Variants in DNAJB6 observed in about 807,000 individuals in gnomAD.
DNAJB6 encodes dnaJ homolog subfamily B member 6.
Under a neutral mutation model 42.7 loss-of-function variants are expected in DNAJB6, and 16 were observed. The ratio of observed to expected loss-of-function variants is 0.37; its 90% CI spans 0.25 to 0.57. The LOEUF is 0.57. DNAJB6 is among the 20% of genes least tolerant of loss of function. The pLI is 0.74. For synonymous variants in DNAJB6, 170 were observed against 163.5 expected (o/e 1.04, Z -0.30); for missense variants, 347 against 416.8 (o/e 0.83, Z 1.46).
chr7:157,374,467 C>T (rs890180702), intron 5 of DNAJB6, among the ~76,000 whole-genome samples: 14 of 152,078 alleles, frequency 9.2e-5, no homozygotes, highest in Admixed American at 3.9e-4. Context: ...TCATGTTGGT[C>T]AGGTTGGTCT....
intron 1 of DNAJB6, among the ~76,000 whole-genome samples, chr7:157,358,137 C>T (rs577531301): frequency 9.9e-5 from 15 of 152,216 alleles, no homozygotes; most frequent in African/African-American, 3.6e-4. Flanking sequence ...CCTTGGAGCC[C>T]CGTGGTCTTG....
chr7:157,360,354 C>T (rs1431612929), intron 2 of DNAJB6, among the ~76,000 whole-genome samples: 1 of 152,162 alleles, frequency 6.6e-6, no homozygotes, highest in Non-Finnish European at 1.5e-5. Context: ...GTTACCTCCC[C>T]CTGGGTCCCT....
At chr7:157,375,042 A>AG (rs113455391) in intron 5 of DNAJB6, among the ~76,000 whole-genome samples, 160 of 152,302 alleles carry the variant, frequency 1.1e-3, no homozygotes, top group African/African-American at 3.6e-3. Flanking sequence ...TAGTGCTCCC[A>AG]GGGGGAGATG....
chr7:157,366,704 A>G (rs1193686712), intron 4 of DNAJB6, 143 bp downstream of exon 4: 2 of 708,718 alleles, frequency 2.8e-6, no homozygotes, highest in African/African-American at 3.6e-5. Flanking sequence ...TGGGGAGAGG[A>G]CAGAGAAATT....
intron 8 of DNAJB6, among the ~76,000 whole-genome samples, chr7:157,390,126 A>ATGGTGG (rs1210199141): frequency 6.6e-6 from 1 of 152,202 alleles, no homozygotes; most frequent in Non-Finnish European, 1.5e-5. Context: ...GGAAACCCAG[A>ATGGTGG]TGGTGGTTGC....
intron 1 of DNAJB6, among the ~76,000 whole-genome samples, chr7:157,339,392 G>A (rs1046440047): frequency 3.4e-5 from 5 of 148,048 alleles, no homozygotes; most frequent in Non-Finnish European, 7.4e-5. Flanking sequence ...CCACCTCCCG[G>A]GGTCACACCA....
chr7:157,416,158 C>T lies in DNAJB6; in HGVS notation c.*60C>T, dbSNP rs1011792317. ...CTGGCGCTCCACCGTGCTCGGCATGCGGTCGTGCACACGCGCTAGGTAGCA... is the reference window on the plus strand; with the variant it reads ...CTGGCGCTCCACCGTGCTCGGCATGTGGTCGTGCACACGCGCTAGGTAGCA... On this transcript the variant is annotated 3_prime_UTR_variant, in exon 10 of 10. Transcript: ENST00000262177. The T allele has an allele frequency of 8.9e-6, 14 of 1,579,772 alleles. No homozygotes were observed. In the Admixed American group the frequency reaches 1.3e-4, roughly 15 times the overall value.
At position 157,367,464 on chromosome 7, in the gene DNAJB6, A is replaced by G. The variant is rs974760808; in HGVS notation, c.327A>G (p.Pro109=). The G allele has an allele frequency of 3.7e-6, 6 of 1,608,116 alleles. No individual in the cohort carries two copies. In the African/African-American group the frequency reaches 5.4e-5, roughly 14 times the overall value. The part of the protein sequence containing the change: ...VFREFFGGRD[P]FSFDFFEDPF... ...GGGAATTTTTTGGTGGAAGGGACCC[A>G]TTTTCATTTGACTTCTTTGGTAAGT... The change falls in exon 5 of 10, where the codon CCA becomes CCG. Residue 109 remains proline, a synonymous_variant. Transcript: ENST00000262177.
At chr7:157,387,868 C>T (rs539076842) in intron 8 of DNAJB6, among the ~76,000 whole-genome samples, 2 of 152,004 alleles carry the variant, frequency 1.3e-5, no homozygotes, top group East Asian at 1.9e-4. Flanking sequence ...TTTTTTGAGA[C>T]GGAGTCTTGC....
Position 157,401,287 on chromosome 7 carries a change from T to C in DNAJB6, c.692-8508T>C, listed in dbSNP as rs868243083. On this transcript the variant is annotated intron_variant, in intron 8 of 9. Transcript: ENST00000262177. Reference sequence around the variant, plus strand: ...AGCCTGGAGTGCGATGGCGCCATCTTGGTTCACCGCTACCTCCACCTCCTG... The same window carrying C: ...AGCCTGGAGTGCGATGGCGCCATCTCGGTTCACCGCTACCTCCACCTCCTG... Among the ~76,000 whole-genome samples the C allele has an allele frequency of 2.0e-5, 3 of 152,174 alleles. No homozygotes were observed. The South Asian group carries it at 6.2e-4, about 32-fold the overall frequency.
intron 8 of DNAJB6, among the ~76,000 whole-genome samples, chr7:157,399,026 G>A (rs1209263368): frequency 6.6e-6 from 1 of 152,236 alleles, no homozygotes; most frequent in Non-Finnish European, 1.5e-5. Context: ...AGAAAGTGGT[G>A]TTGGCTCTCA....
chr7:157,382,406 T>C, intron 6 of DNAJB6, 29 bp downstream of exon 6: 2 of 1,591,910 alleles, frequency 1.3e-6, no homozygotes, highest in Admixed American at 1.8e-5. Flanking sequence ...TAATCTCTGT[T>C]ATCTTAACAG....
At chr7:157,386,567 G>A (rs1801069249) in intron 8 of DNAJB6, among the ~76,000 whole-genome samples, 1 of 145,738 alleles carries the variant, frequency 6.9e-6, no homozygotes, top group Admixed American at 6.7e-5. Context: ...CACTCTTAAA[G>A]TATGTTCTAG....
chr7:157,405,438 C>G (rs1439228938), intron 8 of DNAJB6, among the ~76,000 whole-genome samples: 1 of 152,146 alleles, frequency 6.6e-6, no homozygotes, highest in African/African-American at 2.4e-5. Context: ...ATGTTCTCAG[C>G]ATCAGCAGCC....
chr7:157,395,935 C>T lies in DNAJB6; in HGVS notation c.691+10324C>T, dbSNP rs183013694. On this transcript the variant is annotated intron_variant, in intron 8 of 9. Transcript: ENST00000262177. Reference sequence around the variant, plus strand: ...CCTCCCAAAGTGCTGGGATTACAGGCTTGAGCCTGTAATTTTTTTTTTTTT... The same window carrying T: ...CCTCCCAAAGTGCTGGGATTACAGGTTTGAGCCTGTAATTTTTTTTTTTTT... 6.9e-3 allele frequency among the ~76,000 whole-genome samples: 969 copies of T among 139,582 alleles called. 7 individuals are homozygous for T. Among genetic ancestry groups the T allele is most frequent in the African/African-American group, 0.025 (898 of 35,690 alleles). The allele number at this position is 139,582 out of a possible 152,430, so 91.6% of individuals were successfully genotyped here.
intron 8 of DNAJB6, among the ~76,000 whole-genome samples, chr7:157,400,453 T>TG (rs1473867907): frequency 6.6e-6 from 1 of 151,366 alleles, no homozygotes; most frequent in African/African-American, 2.4e-5. Context: ...CTCCTTGGTG[T>TG]GGCCGTCGGC....
intron 8 of DNAJB6, among the ~76,000 whole-genome samples, chr7:157,398,950 T>C (rs1234823563): frequency 6.6e-6 from 1 of 152,222 alleles, no homozygotes; most frequent in Non-Finnish European, 1.5e-5. Flanking sequence ...AGAAGAGTAA[T>C]TAATGGTATT....
At chr7:157,363,607 G>A (rs988431501) in intron 3 of DNAJB6, among the ~76,000 whole-genome samples, 10 of 152,108 alleles carry the variant, frequency 6.6e-5, no homozygotes, top group Non-Finnish European at 1.0e-4. Context: ...CCCCCGTTGT[G>A]TGTGATCATT....
At chr7:157,354,585 C>G (rs62493451) in intron 1 of DNAJB6, among the ~76,000 whole-genome samples, 22,113 of 152,142 alleles carry the variant, frequency 0.15, 2,037 homozygotes, top group South Asian at 0.22. Context: ...GGAGTCCTCC[C>G]ACTTTGGTCT....
Sources: gnomAD v4.1 joint callset for allele counts (sites outside exome capture counted in the v4.1 genomes callset) on GRCh38, gnomAD v4.1.1 for gene constraint, MANE v1.5 for transcripts, NCBI Gene and HGNC (gene_info 2026-07-23, HGNC 2026-07-21) for gene names.